Variants in ZNRF3 observed in about 807,000 individuals in gnomAD.
ZNRF3 encodes the protein E3 ubiquitin-protein ligase ZNRF3.
A neutral mutation model predicts 72.5 loss-of-function variants in ZNRF3; 23 were observed. The ratio of observed to expected loss-of-function variants is 0.32; its 90% CI spans 0.23 to 0.45. ZNRF3 has a LOEUF of 0.45. Ranked by LOEUF, ZNRF3 falls within the 20% of genes least tolerant of loss-of-function variation. The pLI is 1.00. For synonymous variants in ZNRF3, 610 were observed against 545.3 expected (o/e 1.12, Z -1.65); for missense variants, 1,169 against 1,272.1 (o/e 0.92, Z 1.23).
intron 1 of ZNRF3, among the ~76,000 whole-genome samples, chr22:28,978,908 C>A (rs2035720731): frequency 6.6e-6 from 1 of 152,178 alleles, no homozygotes; most frequent in Non-Finnish European, 1.5e-5. Flanking sequence ...GTAGTTATAT[C>A]ACATAGGTCA....
intron 1 of ZNRF3, among the ~76,000 whole-genome samples, chr22:28,976,549 T>A (rs1314176989): frequency 6.6e-6 from 1 of 152,228 alleles, no homozygotes; most frequent in East Asian, 1.9e-4. Context: ...TTTTTTCACT[T>A]ATTTTTCTAG....
In ZNRF3 at chr22:29,004,497, C is replaced by T. The variant is rs553322435; in HGVS notation, c.426+17296C>T. Among the ~76,000 whole-genome samples, 172 of 152,294 alleles carry T rather than the reference C, an allele frequency of 1.1e-3. 1 individual carries two copies. Among genetic ancestry groups the T allele is most frequent in the Non-Finnish European group, 1.8e-3 (120 of 68,026 alleles). On this transcript the variant is annotated intron_variant, in intron 2 of 8. Transcript: ENST00000544604. The stretch of plus-strand genomic sequence containing the variant: ...CCCAAAAGCAGCAGAATCTGGGCAT[C>T]CCAAGTGTACCCGAAGCACGCCAGT...
At chr22:29,036,977 C>G (rs2036877638) in intron 2 of ZNRF3, among the ~76,000 whole-genome samples, 1 of 152,194 alleles carries the variant, frequency 6.6e-6, no homozygotes, top group Non-Finnish European at 1.5e-5. Flanking sequence ...AGGTTGAAGA[C>G]ATGTCTTCAT....
At chr22:29,034,058 A>G (rs2036818418) in intron 2 of ZNRF3, among the ~76,000 whole-genome samples, 1 of 152,130 alleles carries the variant, frequency 6.6e-6, no homozygotes, top group African/African-American at 2.4e-5. Flanking sequence ...CACTACTTAT[A>G]TGTAAGTCTG....
intron 2 of ZNRF3, among the ~76,000 whole-genome samples, chr22:29,019,151 C>T (rs1295733148): frequency 1.3e-5 from 2 of 151,944 alleles, no homozygotes; most frequent in Non-Finnish European, 2.9e-5. Flanking sequence ...ATGAACTATT[C>T]GATCCCCTCA....
At position 28,978,839 on chromosome 22, in the gene ZNRF3, T is replaced by C. The variant is rs148240795; in HGVS notation, c.301-8237T>C. ...ATTGCAGAATAATTTATTGACCTCCTCCTGTAGAAAAAGATTTTGCTTTTC... is the reference window on the plus strand; with the variant it reads ...ATTGCAGAATAATTTATTGACCTCCCCCTGTAGAAAAAGATTTTGCTTTTC... On this transcript the variant is annotated intron_variant, in intron 1 of 8. Coordinates refer to ENST00000544604, the MANE Select transcript of ZNRF3 (RefSeq NM_001206998.2). Among the ~76,000 whole-genome samples the C allele has an allele frequency of 2.6e-5, 4 of 152,334 alleles. No homozygotes were observed. In the East Asian group the frequency reaches 7.7e-4, roughly 29 times the overall value.
intron 1 of ZNRF3, among the ~76,000 whole-genome samples, chr22:28,909,321 T>G (rs950672576): frequency 6.6e-6 from 1 of 152,216 alleles, no homozygotes; most frequent in Admixed American, 6.5e-5. Flanking sequence ...TCTTTGGGAA[T>G]GGACAGCAAC....
intron 1 of ZNRF3, among the ~76,000 whole-genome samples, chr22:28,969,531 T>C (rs1231842498): frequency 1.3e-5 from 2 of 151,936 alleles, no homozygotes; most frequent in Non-Finnish European, 2.9e-5. Context: ...AAAAAACCTA[T>C]GGTAGGTAGG....
In ZNRF3 at chr22:29,056,558, G is replaced by T. The variant is rs1347102655; in HGVS notation, c.*2936G>T. 6.6e-6 allele frequency: 1 copy of T among 152,188 alleles called. No homozygotes were observed. Among genetic ancestry groups the T allele is most frequent in the East Asian group, 1.9e-4 (1 of 5,206 alleles). The allele number at this position is 152,188 out of a possible 1,614,324, so 9.4% of individuals were successfully genotyped here. A position where few individuals can be genotyped will look rare whatever the true frequency, so the allele number is the denominator to read the frequency against. On this transcript the variant is annotated 3_prime_UTR_variant, in exon 9 of 9. Transcript: ENST00000544604. Reference sequence around the variant, plus strand: ...CCACCAATGACAGACACCCTTTTCGGTGGACTCTGAGTGGTGTGTAGTGGT... The same window carrying T: ...CCACCAATGACAGACACCCTTTTCGTTGGACTCTGAGTGGTGTGTAGTGGT...
In ZNRF3 at chr22:29,044,845, C is replaced by T. The variant is rs998068805; in HGVS notation, c.699C>T (p.Cys233=). 3.1e-6 allele frequency: 5 copies of T among 1,613,938 alleles called. No homozygotes were observed. The highest frequency in any genetic ancestry group is 1.7e-5 in the Admixed American group (1 of 59,990). The change falls in exon 5 of 9, where the codon TGC becomes TGT. Residue 233 remains cysteine, a synonymous_variant. Coordinates refer to ENST00000544604, the MANE Select transcript of ZNRF3 (RefSeq NM_001206998.2). ...LAFFVVVSLV[C]LILLVKIKLK... ...TCTTCGTCGTGGTCTCCTTGGTCTG[C>T]CTCATCCTCCTTGTCAAAATCAAGC...
Position 28,961,778 on chromosome 22 carries a change from C to T in ZNRF3, c.301-25298C>T, listed in dbSNP as rs2035363998. The stretch of plus-strand genomic sequence containing the variant: ...GAAATTAATGGCAGCCTGAGCTTCT[C>T]ACCGTTGCTATTTGAGTTTCTCCAT... On this transcript the variant is annotated intron_variant, in intron 1 of 8. Transcript: ENST00000544604. Among the ~76,000 whole-genome samples the T allele has an allele frequency of 4.6e-5, 7 of 152,308 alleles. No homozygotes were observed. In the South Asian group the frequency reaches 1.2e-3, roughly 27 times the overall value.
At chr22:28,965,727 G>A (rs1267042455) in intron 1 of ZNRF3, among the ~76,000 whole-genome samples, 2 of 152,134 alleles carry the variant, frequency 1.3e-5, no homozygotes, top group African/African-American at 2.4e-5. Context: ...GTTTGCAGGT[G>A]GTAGAATATG....
chr22:29,040,517 A>G (rs1320493098), intron 2 of ZNRF3, among the ~76,000 whole-genome samples: 3 of 151,504 alleles, frequency 2.0e-5, no homozygotes, highest in African/African-American at 4.9e-5. Context: ...ACAGATGGGG[A>G]AACTGAGGCT....
chr22:28,959,056 C>T, intron 1 of ZNRF3, among the ~76,000 whole-genome samples: 1 of 152,228 alleles, frequency 6.6e-6, no homozygotes, highest in East Asian at 1.9e-4. Context: ...CAAGGAAAGG[C>T]TGAATTGCTT....
intron 5 of ZNRF3, 111 bp downstream of exon 5, chr22:29,045,001 G>A: frequency 1.3e-6 from 1 of 761,786 alleles, no homozygotes; most frequent in Non-Finnish European, 2.3e-6. Context: ...GAGCCTCACA[G>A]CTGTGGACTC....
Position 29,049,275 on chromosome 22 carries a change from C to T in ZNRF3, c.1094C>T (p.Pro365Leu). Residue 365 changes from proline to leucine, a missense_variant, in exon 8 of 9, where the codon CCG becomes CTG. Around this residue, in one of 2 missense-constraint regions of ZNRF3, gnomAD observed 386 missense variants for 540.7 expected, o/e 0.71. Coordinates refer to ENST00000544604, the MANE Select transcript of ZNRF3 (RefSeq NM_001206998.2). The surrounding 1 kb of genome is among the most constrained non-coding windows in gnomAD (Gnocchi z 5.2). Reference sequence around the variant, plus strand: ...GGTCGGCAGCAGAGGGTGACCCTGCCGGTGCATTACCCCGGCCGCGTGCAC... The same window carrying T: ...GGTCGGCAGCAGAGGGTGACCCTGCTGGTGCATTACCCCGGCCGCGTGCAC... ...SRGRQQRVTL[P>L]VHYPGRVHRT... The T allele has an allele frequency of 2.5e-6, 4 of 1,613,932 alleles. No homozygotes were observed. Among genetic ancestry groups the T allele is most frequent in the Non-Finnish European group, 3.4e-6 (4 of 1,179,948 alleles).
In ZNRF3 at chr22:29,053,891, G is replaced by C. The variant is rs574116785; in HGVS notation, c.*269G>C. 6.5e-6 allele frequency: 2 copies of C among 306,674 alleles called. No homozygotes were observed. Among genetic ancestry groups the C allele is most frequent in the African/African-American group, 4.3e-5 (2 of 46,572 alleles). The allele number at this position is 306,674 out of a possible 1,614,324, so 19.0% of individuals were successfully genotyped here. ...GTTTTGTAAAGTGTGTGTGCTTGGG[G>C]TTCCGAGGTGTGGGATTGAGTTCTC... is the stretch of plus-strand genomic sequence containing the variant. On this transcript the variant is annotated 3_prime_UTR_variant, in exon 9 of 9. Coordinates refer to ENST00000544604, the MANE Select transcript of ZNRF3 (RefSeq NM_001206998.2).
intron 1 of ZNRF3, among the ~76,000 whole-genome samples, chr22:28,886,479 C>T (rs2033790001): frequency 6.6e-6 from 1 of 152,088 alleles, no homozygotes; most frequent in African/African-American, 2.4e-5. Context: ...TCTTGAAAAA[C>T]CTTTATAAGC....
chr22:29,015,026 G>A (rs1016503498), intron 2 of ZNRF3, among the ~76,000 whole-genome samples: 27 of 152,204 alleles, frequency 1.8e-4, no homozygotes, highest in African/African-American at 6.5e-4. Context: ...CTGTCATTCT[G>A]TCACTTTCTA....
Sources: allele counts gnomAD v4.1 joint callset (sites outside exome capture counted in the v4.1 genomes callset), GRCh38; gene constraint gnomAD v4.1.1; regional missense constraint gnomAD v4.1.1; non-coding constraint Gnocchi (gnomAD v3.1); transcripts MANE v1.5; gene names NCBI Gene and HGNC (gene_info 2026-07-23, HGNC 2026-07-21).